Variants in SYTL2 observed in about 807,000 individuals in gnomAD.
The protein encoded by SYTL2 is synaptotagmin like 2.
Under a neutral mutation model 198.7 loss-of-function variants are expected in SYTL2, and 165 were observed. The ratio of observed to expected loss-of-function variants is 0.83; its 90% confidence interval spans 0.73 to 0.94. The LOEUF is 0.94. Ranked by LOEUF, SYTL2 falls within the 40% of genes least tolerant of loss-of-function variation. The probability of loss-of-function intolerance (pLI) is 0.00; values close to 1 mark genes in which losing one functional copy is unlikely to be tolerated. For synonymous variants in SYTL2, 966 were observed against 917.7 expected (o/e 1.05, Z -0.95); for missense variants, 2,835 against 2,582.8 (o/e 1.10, Z -2.12).
At chr11:85,852,694 G>C in the SYTL2 span, 1 of 208,516 alleles carries the variant, frequency 4.8e-6, no homozygotes, top group South Asian at 6.1e-5. Flanking sequence ...TGCCCAGGCT[G>C]GAGTGCAGTG....
chr11:85,696,395 A>G lies in SYTL2; in HGVS notation c.6369-7T>C, dbSNP rs1056707512. The stretch of plus-strand genomic sequence containing the variant: ...TGTATCTGGAAGGATGGTACTACAA[A>G]AAGAGGCATGATTGTGGGAGCATTT... On this transcript the variant is annotated splice_polypyrimidine_tract_variant and splice_region_variant and intron_variant, in intron 18 of 19. Coordinates refer to ENST00000359152, the MANE Select transcript of SYTL2 (RefSeq NM_206927.4). The G allele has an allele frequency of 1.2e-6, 2 of 1,611,242 alleles. No individual in the cohort carries two copies. Among genetic ancestry groups the G allele is most frequent in the East Asian group, 2.2e-5 (1 of 44,882 alleles).
intron 1 of SYTL2, among the ~76,000 whole-genome samples, chr11:85,762,288 G>C (rs908600906): frequency 2.6e-5 from 4 of 152,150 alleles, no homozygotes; most frequent in Non-Finnish European, 5.9e-5. Flanking sequence ...TCTCACCAGA[G>C]CCTCACAATA....
At chr11:85,704,576 G>A (rs1054779489) in intron 16 of SYTL2, among the ~76,000 whole-genome samples, 1 of 152,012 alleles carries the variant, frequency 6.6e-6, no homozygotes, top group African/African-American at 2.4e-5. Context: ...AGTAACACAT[G>A]GAACATTTAT....
chr11:85,738,491 G>A (rs1313665545), intron 4 of SYTL2, among the ~76,000 whole-genome samples: 2 of 152,244 alleles, frequency 1.3e-5, no homozygotes, highest in African/African-American at 4.8e-5. Flanking sequence ...AATGGAGCCC[G>A]AATTAAGACT....
At position 85,725,020 on chromosome 11, in the gene SYTL2, A is replaced by T; in HGVS notation, c.4338T>A (p.Val1446=). The T allele has an allele frequency of 1.2e-6, 2 of 1,614,180 alleles. No individual in the cohort carries two copies. The highest frequency in any genetic ancestry group is 8.5e-7 in the Non-Finnish European group (1 of 1,180,018). The change falls in exon 8 of 20, where the codon GTT becomes GTA. Residue 1446 remains valine, a synonymous_variant. Transcript: ENST00000359152. ...ACATTTGGGCAGCTAAATAAGATCC[A>T]ACTTCATGAGTTTTATCAGGAACTA... The part of the protein sequence containing the change: ...SNVVPDKTHE[V]GSYLAAQMSP...
intron 1 of SYTL2, among the ~76,000 whole-genome samples, chr11:85,806,894 C>T (rs2092965806): frequency 6.6e-6 from 1 of 152,374 alleles, no homozygotes; most frequent in African/African-American, 2.4e-5. Context: ...CCAGATTGCA[C>T]AGATTGTCTT....
At chr11:85,719,613 G>A (rs1318298924) in intron 9 of SYTL2, among the ~76,000 whole-genome samples, 1 of 152,084 alleles carries the variant, frequency 6.6e-6, no homozygotes, top group Admixed American at 6.5e-5. Context: ...AAGCATTCAG[G>A]CGGATATGGG....
the SYTL2 span, among the ~76,000 whole-genome samples, chr11:85,851,040 G>C: frequency 8.5e-6 from 1 of 118,086 alleles, no homozygotes; most frequent in African/African-American, 3.2e-5. Context: ...GTGGGGGGAG[G>C]GGGGAGGGAT....
intron 1 of SYTL2, among the ~76,000 whole-genome samples, chr11:85,782,246 T>C (rs528656299): frequency 6.6e-5 from 10 of 152,198 alleles, no homozygotes; most frequent in African/African-American, 2.2e-4. Flanking sequence ...ACCTCTGAAG[T>C]AACAACTTGA....
chr11:85,717,208 T>A, intron 11 of SYTL2: 1 of 201,864 alleles, frequency 5.0e-6, no homozygotes, highest in Non-Finnish European at 9.9e-6. Flanking sequence ...TCAAACAGCA[T>A]AGAGACTGAC....
chr11:85,724,125 G>C lies in SYTL2; in HGVS notation c.5233C>G (p.Gln1745Glu). Residue 1745 changes from glutamine (Q) to glutamate (E), a missense_variant, in exon 8 of 20, where the codon CAA becomes GAA. By Grantham distance (29) the Gln-to-Glu change is conservative (BLOSUM62 2). Transcript: ENST00000359152. ...CCTTCTTTTTCTTCCTCTTTCTCTTGTTTCATATATGGCGATGCTAGAGTC... is the reference window on the plus strand; with the variant it reads ...CCTTCTTTTTCTTCCTCTTTCTCTTCTTTCATATATGGCGATGCTAGAGTC... ...ELTLASPYMK[Q>E]EKEEEKEGFS... The C allele has an allele frequency of 6.3e-7, 1 of 1,592,550 alleles. No individual in the cohort carries two copies. Among genetic ancestry groups the C allele is most frequent in the Non-Finnish European group, 8.5e-7 (1 of 1,174,524 alleles).
At chr11:85,699,333 G>A (rs546048980) in intron 17 of SYTL2, among the ~76,000 whole-genome samples, 2 of 151,962 alleles carry the variant, frequency 1.3e-5, no homozygotes, top group Non-Finnish European at 2.9e-5. Flanking sequence ...AAACTACGTG[G>A]ACAAAAATTC....
At chr11:85,769,539 T>C (rs977165883) in intron 1 of SYTL2, among the ~76,000 whole-genome samples, 1 of 152,234 alleles carries the variant, frequency 6.6e-6, no homozygotes, top group Admixed American at 6.5e-5. Flanking sequence ...TTCTGACTTC[T>C]AGAATTATAT....
the SYTL2 span, among the ~76,000 whole-genome samples, chr11:85,827,448 T>G: frequency 1.3e-5 from 2 of 152,200 alleles, no homozygotes; most frequent in Non-Finnish European, 2.9e-5. Context: ...CTCTTCAGTC[T>G]TCACAATATG....
chr11:85,772,299 T>C (rs912147988), intron 1 of SYTL2, among the ~76,000 whole-genome samples: 3 of 152,262 alleles, frequency 2.0e-5, no homozygotes, highest in African/African-American at 7.2e-5. Flanking sequence ...ATGCTTTTAC[T>C]TCGCCTATCT....
At chr11:85,806,749 A>G (rs1315621811) in intron 1 of SYTL2, among the ~76,000 whole-genome samples, 2 of 152,226 alleles carry the variant, frequency 1.3e-5, no homozygotes, top group Admixed American at 1.3e-4. Flanking sequence ...GAAATTCTCT[A>G]CCAGACTTCA....
chr11:85,820,483 C>T, the SYTL2 span, among the ~76,000 whole-genome samples: 1 of 152,190 alleles, frequency 6.6e-6, no homozygotes, highest in East Asian at 1.9e-4. Flanking sequence ...CCCATAGAAG[C>T]AGCATCAGCA....
At chr11:85,819,714 T>C in the SYTL2 span, among the ~76,000 whole-genome samples, 6 of 152,222 alleles carry the variant, frequency 3.9e-5, no homozygotes, top group African/African-American at 1.4e-4. Context: ...AATGTAACAG[T>C]CTGCTGCCAC....
At chr11:85,849,491 T>C in the SYTL2 span, among the ~76,000 whole-genome samples, 1 of 152,232 alleles carries the variant, frequency 6.6e-6, no homozygotes, top group Non-Finnish European at 1.5e-5. Context: ...AGGGATCAAG[T>C]TTCAGCTTTC....
Sources: allele counts gnomAD v4.1 joint callset (sites outside exome capture counted in the v4.1 genomes callset), GRCh38; gene constraint gnomAD v4.1.1; transcripts MANE v1.5; gene names NCBI Gene and HGNC (gene_info 2026-07-23, HGNC 2026-07-21).